NDUFB5: variants seen among roughly 807,000 people sequenced by gnomAD.
The protein encoded by NDUFB5 is NADH:ubiquinone oxidoreductase subunit B5, also known as NADH dehydrogenase [ubiquinone] 1 beta subcomplex subunit 5, mitochondrial.
A neutral mutation model predicts 19.4 loss-of-function variants in NDUFB5; 19 were observed. The observed-to-expected ratio is 0.98, with a 90% CI of 0.68 to 1.43. NDUFB5 has a LOEUF of 1.43. Among genes scored for constraint, NDUFB5 ranks in the 40% most tolerant of loss-of-function variants. The pLI is 0.00. For synonymous variants in NDUFB5, 80 were observed against 82.6 expected (o/e 0.97, Z 0.17); for missense variants, 233 against 236.5 (o/e 0.99, Z 0.10).
intron 1 of NDUFB5, 133 bp downstream of exon 1, chr3:179,605,072 A>G: frequency 7.8e-7 from 1 of 1,289,676 alleles, no homozygotes. Context: ...GACAGGAGAG[A>G]CGGAGCACGA....
chr3:179,614,710 A>G, intron 1 of NDUFB5: 1 of 205,008 alleles, frequency 4.9e-6, no homozygotes, highest in Non-Finnish European at 9.8e-6. Flanking sequence ...TATTACTCAA[A>G]TAAGACATTT....
chr3:179,616,369 C>T (rs1423661447), intron 3 of NDUFB5, among the ~76,000 whole-genome samples: 4 of 152,016 alleles, frequency 2.6e-5, no homozygotes, highest in African/African-American at 4.8e-5. Flanking sequence ...AGTGAAACCC[C>T]GTCTCTACTA....
chr3:179,607,931 T>C (rs946208310), intron 1 of NDUFB5: 3 of 640,702 alleles, frequency 4.7e-6, no homozygotes, highest in East Asian at 5.5e-5. Flanking sequence ...CGTTGTCCAT[T>C]GTATGTATTT....
At chr3:179,605,519 GC>G (rs1719063259) in intron 1 of NDUFB5, among the ~76,000 whole-genome samples, 1 of 152,104 alleles carries the variant, frequency 6.6e-6, no homozygotes, top group Admixed American at 6.5e-5. Context: ...AGGCTGGAGT[GC>G]AGTGGCGCGA....
intron 4 of NDUFB5, 144 bp downstream of exon 4, chr3:179,617,188 A>G: frequency 1.8e-6 from 1 of 551,372 alleles, no homozygotes; most frequent in South Asian, 2.3e-5. Context: ...CCCAGGCTGG[A>G]GTGCAGTGGC....
chr3:179,618,485 C>T lies in NDUFB5; in HGVS notation c.413C>T (p.Ala138Val), dbSNP rs1177470494. Reference protein sequence around the residue: ...SPEKIYERTMAVLQIEAEKAE... With the variant: ...SPEKIYERTMVVLQIEAEKAE... Reference sequence around the variant, plus strand: ...GAAAAGATATATGAAAGAACAATGGCCGTCCTTCAGATTGAAGCTGAAAAG... The same window carrying T: ...GAAAAGATATATGAAAGAACAATGGTCGTCCTTCAGATTGAAGCTGAAAAG... Residue 138 changes from alanine to valine, a missense_variant, in exon 5 of 6, where the codon GCC (alanine) becomes GTC (valine). Physicochemically the swap from Ala to Val is moderately conservative, Grantham distance 64 (BLOSUM62 0). Coordinates refer to ENST00000259037, the MANE Select transcript of NDUFB5 (RefSeq NM_002492.4). 6.2e-7 allele frequency: 1 copy of T among 1,612,398 alleles called. No homozygotes were observed. The highest frequency in any genetic ancestry group is 8.5e-7 in the Non-Finnish European group (1 of 1,179,530).
intron 1 of NDUFB5, among the ~76,000 whole-genome samples, chr3:179,609,369 G>A (rs917203487): frequency 1.2e-4 from 19 of 152,302 alleles, no homozygotes; most frequent in Admixed American, 5.2e-4. Context: ...AGTTGCAAGA[G>A]AACAATGGGC....
chr3:179,607,441 G>A (rs1225324625), intron 1 of NDUFB5, among the ~76,000 whole-genome samples: 1 of 152,166 alleles, frequency 6.6e-6, no homozygotes, highest in Non-Finnish European at 1.5e-5. Flanking sequence ...TAAAGTGGAA[G>A]ACACCTAATT....
chr3:179,609,463 G>A (rs12631863), intron 1 of NDUFB5, among the ~76,000 whole-genome samples: 13,848 of 152,214 alleles, frequency 0.091, 685 homozygotes, highest in South Asian at 0.17. Context: ...TATGAGCAGA[G>A]AAGATGTGCA....
At chr3:179,620,934 A>G (rs182171109) in intron 5 of NDUFB5, among the ~76,000 whole-genome samples, 1 of 152,084 alleles carries the variant, frequency 6.6e-6, no homozygotes, top group Non-Finnish European at 1.5e-5. Flanking sequence ...TCAGTTTTCC[A>G]TGTTTCTCTG....
In NDUFB5 at chr3:179,604,821, G is replaced by C. The variant is rs1232979198; in HGVS notation, c.6G>C (p.Ala2=). 6.2e-7 allele frequency: 1 copy of C among 1,607,852 alleles called. No homozygotes were observed. Among genetic ancestry groups the C allele is most frequent in the South Asian group, 1.1e-5 (1 of 90,406 alleles). The part of the protein sequence containing the change: M[A]AMSLLRRVSV... ...TCCTCCTGCCCGTAGTAGCCATGGC[G>C]GCCATGAGTTTGTTGCGGCGGGTTT... Residue 2 remains alanine, a synonymous_variant, in exon 1 of 6, where the codon GCG becomes GCC. Transcript: ENST00000259037.
chr3:179,606,608 G>A (rs1331220595), intron 1 of NDUFB5, among the ~76,000 whole-genome samples: 1 of 152,212 alleles, frequency 6.6e-6, no homozygotes, highest in Non-Finnish European at 1.5e-5. Context: ...AGAGTGCTGA[G>A]ATCACAGGCG....
At chr3:179,604,973 C>T (rs1235161741) in intron 1 of NDUFB5, 34 bp downstream of exon 1, 3 of 1,518,242 alleles carry the variant, frequency 2.0e-6, no homozygotes, top group Non-Finnish European at 2.6e-6. Flanking sequence ...GGGCGTGAAG[C>T]GGGTGCGGGG....
intron 1 of NDUFB5, among the ~76,000 whole-genome samples, chr3:179,612,013 C>G (rs768165591): frequency 6.0e-5 from 9 of 151,180 alleles, no homozygotes; most frequent in Non-Finnish European, 1.2e-4. Flanking sequence ...AAGGGTCTAG[C>G]TATGTTGCTC....
At chr3:179,608,135 G>A (rs1258723334) in intron 1 of NDUFB5, among the ~76,000 whole-genome samples, 1 of 151,674 alleles carries the variant, frequency 6.6e-6, no homozygotes, top group African/African-American at 2.4e-5. Context: ...GCTATTTCTT[G>A]CCATCCAATA....
At position 179,616,499 on chromosome 3, in the gene NDUFB5, G is replaced by A. The variant is rs540778171; in HGVS notation, c.280+450G>A. Among the ~76,000 whole-genome samples, 194 of 152,030 alleles carry A rather than the reference G, an allele frequency of 1.3e-3. 1 individual carries two copies. Among genetic ancestry groups the A allele is most frequent in the Middle Eastern group, 0.01 (3 of 294 alleles). On this transcript the variant is annotated intron_variant, in intron 3 of 5. Transcript: ENST00000259037. ...GGAGGTTGCAGTGAGCTGAGATGGC[G>A]CCATCGCACTCCAGCCCGGGCAACA...
chr3:179,612,858 C>T (rs1719284156), intron 1 of NDUFB5, among the ~76,000 whole-genome samples: 1 of 152,198 alleles, frequency 6.6e-6, no homozygotes, highest in Non-Finnish European at 1.5e-5. Context: ...GATTGTCCCT[C>T]TAAAAGAGTA....
At chr3:179,612,081 C>T (rs985936051) in intron 1 of NDUFB5, among the ~76,000 whole-genome samples, 1 of 151,964 alleles carries the variant, frequency 6.6e-6, no homozygotes, top group Admixed American at 6.5e-5. Context: ...TCCCGAGTAG[C>T]TGGGAGTACA....
At chr3:179,605,376 A>G (rs939983408) in intron 1 of NDUFB5, among the ~76,000 whole-genome samples, 1 of 152,210 alleles carries the variant, frequency 6.6e-6, no homozygotes, top group Non-Finnish European at 1.5e-5. Context: ...CTCAGGGCCA[A>G]CTTATTCTTT....
Sources: gnomAD v4.1 joint callset for allele counts (sites outside exome capture counted in the v4.1 genomes callset) on GRCh38, gnomAD v4.1.1 for gene constraint, MANE v1.5 for transcripts, NCBI Gene and HGNC (gene_info 2026-07-23, HGNC 2026-07-21) for gene names.